The following CDC14A variants were observed in gnomAD, a reference collection of about 807,000 sequenced individuals.
The protein encoded by CDC14A is dual specificity protein phosphatase CDC14A.
A neutral mutation model predicts 74.4 loss-of-function variants in CDC14A; 53 were observed. The ratio of observed to expected loss-of-function variants is 0.71; its 90% CI spans 0.57 to 0.89. The LOEUF (loss-of-function observed/expected upper bound fraction) is 0.89. CDC14A is among the 40% of genes least tolerant of loss of function. CDC14A has a pLI of 0.00. For synonymous variants in CDC14A, 247 were observed against 258.4 expected, an observed-to-expected ratio of 0.96 and a Z score of 0.43; for missense variants, 646 against 713.7, an observed-to-expected ratio of 0.91 and a Z score of 1.08.
At chr1:100,398,591 C>T (rs1192726669) in intron 4 of CDC14A, among the ~76,000 whole-genome samples, 1 of 152,120 alleles carries the variant, frequency 6.6e-6, no homozygotes, top group Non-Finnish European at 1.5e-5. Flanking sequence ...ACTATGAGCC[C>T]TTCCTAGCAC....
chr1:100,496,113 C>T (rs1647750476), intron 13 of CDC14A, 64 bp downstream of exon 13: 2 of 1,399,740 alleles, frequency 1.4e-6, no homozygotes, highest in Admixed American at 3.4e-5. Context: ...AGCCATGTTT[C>T]CCAAGCCTCA....
At chr1:100,403,049 T>A (rs1461270181) in intron 4 of CDC14A, among the ~76,000 whole-genome samples, 4 of 152,066 alleles carry the variant, frequency 2.6e-5, no homozygotes, top group Admixed American at 6.6e-5. Flanking sequence ...TGTGTTGGGG[T>A]AGGTCTAAGT....
At chr1:100,351,605 C>T (rs933351042), upstream of CDC14A, 7 of 655,420 alleles carry the variant, frequency 1.1e-5, no homozygotes, top group African/African-American at 1.8e-5. Flanking sequence ...GACCAGTGGA[C>T]TCTCCTCTCT....
At chr1:100,475,332 A>G (rs932974245) in intron 10 of CDC14A, among the ~76,000 whole-genome samples, 3 of 152,018 alleles carry the variant, frequency 2.0e-5, no homozygotes, top group African/African-American at 4.8e-5. Context: ...TTGTTGGGGC[A>G]TTTTTATCAT....
chr1:100,439,862 T>G, intron 5 of CDC14A, 70 bp from the exon 6 acceptor site: 2 of 1,091,104 alleles, frequency 1.8e-6, no homozygotes, highest in Non-Finnish European at 2.8e-6. Context: ...CAGCTGACTT[T>G]GGTGTTATAT....
At chr1:100,375,301 A>G (rs1655083516) in intron 2 of CDC14A, among the ~76,000 whole-genome samples, 2 of 152,204 alleles carry the variant, frequency 1.3e-5, no homozygotes, top group South Asian at 4.1e-4. Flanking sequence ...CTCAGGAGAT[A>G]AGGTCAGCCT....
intron 10 of CDC14A, among the ~76,000 whole-genome samples, chr1:100,469,901 G>C (rs1170079089): frequency 6.6e-6 from 1 of 152,110 alleles, no homozygotes. Flanking sequence ...AGAGTTATGA[G>C]GCAAAGGCAC....
intron 3 of CDC14A, among the ~76,000 whole-genome samples, chr1:100,389,548 A>G (rs1463232646): frequency 2.0e-5 from 3 of 151,836 alleles, no homozygotes; most frequent in Non-Finnish European, 2.9e-5. Context: ...GGCTCATTGG[A>G]GGGATACACT....
chr1:100,455,443 A>G lies in CDC14A; in HGVS notation c.558A>G (p.Gly186=). The stretch of plus-strand genomic sequence containing the variant: ...GTGACTTCAACTGGATTGTTCCAGG[A>G]AAATTTTTAGCATTTAGTGGACCAC... ...ENGDFNWIVP[G]KFLAFSGPHP... is the part of the protein sequence containing the mutation. Residue 186 remains glycine, a synonymous_variant, in exon 8 of 16, where the codon GGA becomes GGG. Transcript: ENST00000336454. The G allele has an allele frequency of 6.2e-7, 1 of 1,603,624 alleles. No individual in the cohort carries two copies.
chr1:100,433,510 T>C lies in CDC14A; in HGVS notation c.390-6422T>C, dbSNP rs891478680. Among the ~76,000 whole-genome samples, 26 of 152,294 alleles carry C rather than the reference T, an allele frequency of 1.7e-4. 1 individual carries two copies. The highest frequency in any genetic ancestry group is 7.4e-5 in the Non-Finnish European group (5 of 68,018). On this transcript the variant is annotated intron_variant, in intron 5 of 15. Coordinates refer to ENST00000336454, the MANE Select transcript of CDC14A (RefSeq NM_003672.4). ...CCTAACTACTTGTTACCCAGAGAAT[T>C]TAGAGAATCAAGGACTTAAGATAAT...
intron 4 of CDC14A, among the ~76,000 whole-genome samples, chr1:100,407,097 G>A (rs923131584): frequency 1.3e-5 from 2 of 152,158 alleles, no homozygotes; most frequent in African/African-American, 4.8e-5. Flanking sequence ...TTTGGTTACT[G>A]TAGCCTTGTA....
At chr1:100,356,001 CAG>C (rs921537272) in intron 2 of CDC14A, among the ~76,000 whole-genome samples, 10 of 152,066 alleles carry the variant, frequency 6.6e-5, no homozygotes, top group African/African-American at 2.4e-4. Context: ...TCTTATCAGG[CAG>C]AGACATGAGA....
At chr1:100,452,131 A>G (rs540336634) in intron 7 of CDC14A, among the ~76,000 whole-genome samples, 2 of 152,348 alleles carry the variant, frequency 1.3e-5, no homozygotes, top group South Asian at 2.1e-4. Flanking sequence ...TTGTTACAGT[A>G]GTAAAAAGGT....
chr1:100,390,924 G>C (rs892727084), intron 4 of CDC14A, 100 bp downstream of exon 4: 2 of 798,476 alleles, frequency 2.5e-6, no homozygotes, highest in African/African-American at 1.7e-5. Context: ...ATTGAGAGAC[G>C]GTGGAGATTA....
intron 2 of CDC14A, among the ~76,000 whole-genome samples, chr1:100,374,084 T>C (rs1289103540): frequency 6.6e-6 from 1 of 152,192 alleles, no homozygotes; most frequent in African/African-American, 2.4e-5. Flanking sequence ...GATAGTTTAC[T>C]GAGAATGATG....
At chr1:100,413,601 A>G (rs556562051) in intron 4 of CDC14A, among the ~76,000 whole-genome samples, 8 of 152,350 alleles carry the variant, frequency 5.3e-5, no homozygotes, top group African/African-American at 1.4e-4. Context: ...TAAAGTTGCC[A>G]TAAGTACATG....
intron 4 of CDC14A, among the ~76,000 whole-genome samples, chr1:100,399,442 A>C (rs983889867): frequency 1.3e-5 from 2 of 152,192 alleles, no homozygotes; most frequent in Non-Finnish European, 2.9e-5. Flanking sequence ...TGCTATACTT[A>C]AGCAAGTTTA....
At chr1:100,370,350 G>A (rs1277235633) in intron 2 of CDC14A, among the ~76,000 whole-genome samples, 2 of 149,714 alleles carry the variant, frequency 1.3e-5, no homozygotes. Context: ...TCAAACTCCT[G>A]AGCTCAAGCA....
intron 4 of CDC14A, among the ~76,000 whole-genome samples, chr1:100,406,930 TAAAAA>T (rs1214895761): frequency 1.8e-5 from 2 of 108,680 alleles, no homozygotes; most frequent in Non-Finnish European, 4.1e-5. Flanking sequence ...CTGTCTCAAA[TAAAAA>T]AAAAAAAAAA....
Sources: gnomAD v4.1 joint callset for allele counts (sites outside exome capture counted in the v4.1 genomes callset) on GRCh38, gnomAD v4.1.1 for gene constraint, MANE v1.5 for transcripts, NCBI Gene and HGNC (gene_info 2026-07-23, HGNC 2026-07-21) for gene names.